ZNF423: variants seen among roughly 807,000 people sequenced by gnomAD.
ZNF423 encodes Ebf-associated zinc finger protein.
A neutral mutation model predicts 95.8 loss-of-function variants in ZNF423; 12 were observed. The ratio of observed to expected loss-of-function variants is 0.13; its 90% CI spans 0.08 to 0.20. ZNF423 has a LOEUF of 0.20. ZNF423 is among the 10% of genes least tolerant of loss of function. The pLI, the probability that ZNF423 is intolerant of heterozygous loss-of-function variation, is 1.00. For missense variants in ZNF423, 1,316 were observed against 1,737.1 expected, an observed-to-expected ratio of 0.76 and a Z score of 4.31; for synonymous variants, 749 against 711.9, an observed-to-expected ratio of 1.05 and a Z score of -0.83.
intron 7 of ZNF423, among the ~76,000 whole-genome samples, chr16:49,493,423 C>T (rs1967048118): frequency 1.3e-5 from 2 of 152,202 alleles, no homozygotes; most frequent in Admixed American, 1.3e-4. Flanking sequence ...TCTCAGGACC[C>T]AGGGCTGGGC....
chr16:49,587,410 G>A (rs930642382), intron 5 of ZNF423, among the ~76,000 whole-genome samples: 4 of 152,234 alleles, frequency 2.6e-5, no homozygotes, highest in African/African-American at 9.6e-5. Context: ...GGCTTGGCAG[G>A]TGGGAAGAGT....
intron 2 of ZNF423, among the ~76,000 whole-genome samples, chr16:49,746,000 C>T (rs2033515516): frequency 6.6e-6 from 1 of 152,140 alleles, no homozygotes; most frequent in Admixed American, 6.5e-5. Context: ...AAAATGAGGA[C>T]AGGTGCAGGG....
intron 1 of ZNF423, among the ~76,000 whole-genome samples, chr16:49,830,324 C>T (rs1284408191): frequency 6.6e-6 from 1 of 152,126 alleles, no homozygotes; most frequent in African/African-American, 2.4e-5. Flanking sequence ...GGAGAGCTCC[C>T]ATGACATGAG....
intron 7 of ZNF423, among the ~76,000 whole-genome samples, chr16:49,521,606 C>G (rs1968398685): frequency 6.6e-6 from 1 of 152,178 alleles, no homozygotes; most frequent in Non-Finnish European, 1.5e-5. Context: ...CAGTGGTGGC[C>G]TTTTGGAAGT....
At chr16:49,793,889 T>C (rs1294630125) in intron 1 of ZNF423, among the ~76,000 whole-genome samples, 1 of 152,162 alleles carries the variant, frequency 6.6e-6, no homozygotes, top group East Asian at 1.9e-4. Context: ...CCAGAGCCCT[T>C]TGCAAACTCA....
intron 5 of ZNF423, among the ~76,000 whole-genome samples, chr16:49,564,007 C>A (rs1970101512): frequency 6.6e-6 from 1 of 152,188 alleles, no homozygotes; most frequent in Non-Finnish European, 1.5e-5. Flanking sequence ...TGTGTGATAC[C>A]AGCAGGCTCT....
At chr16:49,691,707 G>T (rs2031788571) in intron 3 of ZNF423, among the ~76,000 whole-genome samples, 1 of 151,476 alleles carries the variant, frequency 6.6e-6, no homozygotes, top group African/African-American at 2.4e-5. Flanking sequence ...ACTCCAGCCT[G>T]GGCAACAGAG....
chr16:49,828,390 G>C (rs141567517), intron 1 of ZNF423, among the ~76,000 whole-genome samples: 1 of 152,334 alleles, frequency 6.6e-6, no homozygotes, highest in Non-Finnish European at 1.5e-5. Context: ...ATGGCTTTAT[G>C]CGAGCAGTTA....
chr16:49,832,630 AC>A (rs2035072952), intron 1 of ZNF423, among the ~76,000 whole-genome samples: 1 of 152,184 alleles, frequency 6.6e-6, no homozygotes, highest in Non-Finnish European at 1.5e-5. Context: ...AGAACAGAGC[AC>A]CCGAGGGGCC....
At chr16:49,632,062 G>A (rs1459044604) in intron 4 of ZNF423, among the ~76,000 whole-genome samples, 1 of 152,158 alleles carries the variant, frequency 6.6e-6, no homozygotes, top group Non-Finnish European at 1.5e-5. Context: ...AAATGGGTAT[G>A]AGAACACCTG....
Position 49,742,480 on chromosome 16 carries a change from G to A in ZNF423, c.101-11509C>T, listed in dbSNP as rs79575805. ...CAATCTTAATAAAACTGATCTCGCCGCGTGCAGTAATGAAGAACAGTCAGA... is the reference window on the plus strand; with the variant it reads ...CAATCTTAATAAAACTGATCTCGCCACGTGCAGTAATGAAGAACAGTCAGA... On this transcript the variant is annotated intron_variant, in intron 2 of 7. Transcript: ENST00000563137. Among the ~76,000 whole-genome samples the A allele has an allele frequency of 6.6e-5, 10 of 152,084 alleles. No homozygotes were observed. The East Asian group carries it at 1.5e-3, about 23-fold the overall frequency.
chr16:49,609,809 G>A (rs1253135684), intron 5 of ZNF423, among the ~76,000 whole-genome samples: 2 of 151,676 alleles, frequency 1.3e-5, no homozygotes, highest in South Asian at 2.1e-4. Flanking sequence ...AATTTGGCAA[G>A]AGATGTAGAT....
Position 49,636,769 on chromosome 16 carries a change from C to G in ZNF423, c.2407G>C (p.Glu803Gln), listed in dbSNP as rs746268201. The change falls in exon 4 of 8, where the codon GAG becomes CAG. Residue 803 changes from glutamate (E) to glutamine (Q), a missense_variant. Glu to Gln is a conservative substitution (Grantham distance 29). This residue lies in a region of ZNF423 where 620 missense variants were observed against 775.6 expected (regional missense o/e 0.80). Coordinates refer to ENST00000563137, the MANE Select transcript of ZNF423 (RefSeq NM_001379286.1). The surrounding 1 kb of genome is among the most constrained non-coding windows in gnomAD (Gnocchi z 8.6). ...TGTGTGGTGATGTGGCACTGCAGCTCCACCTCGGTGCTGAAGGTCTCCCCA... is the reference window on the plus strand; with the variant it reads ...TGTGTGGTGATGTGGCACTGCAGCTGCACCTCGGTGCTGAAGGTCTCCCCA... The part of the protein sequence containing the change: ...FCGETFSTEV[E>Q]LQCHITTHSK... 2.5e-6 allele frequency: 4 copies of G among 1,614,058 alleles called. No individual in the cohort carries two copies. The highest frequency in any genetic ancestry group is 1.7e-6 in the Non-Finnish European group (2 of 1,179,990).
chr16:49,728,676 GCCCAGTTT>G (rs1394729683), intron 3 of ZNF423, among the ~76,000 whole-genome samples: 1 of 152,068 alleles, frequency 6.6e-6, no homozygotes, highest in Non-Finnish European at 1.5e-5. Context: ...CTCACATATA[GCCCAGTTT>G]CCCAGTTTCC....
intron 7 of ZNF423, among the ~76,000 whole-genome samples, chr16:49,511,363 T>G (rs1046000301): frequency 6.6e-6 from 1 of 152,192 alleles, no homozygotes; most frequent in Non-Finnish European, 1.5e-5. Flanking sequence ...TCTAAGGGCT[T>G]TGAGAGTCAT....
intron 1 of ZNF423, among the ~76,000 whole-genome samples, chr16:49,832,371 G>A (rs1161401011): frequency 6.6e-6 from 1 of 152,170 alleles, no homozygotes; most frequent in Non-Finnish European, 1.5e-5. Flanking sequence ...TGAGGAAAAG[G>A]CCAGGAATGT....
At chr16:49,567,856 A>G (rs552985650) in intron 5 of ZNF423, among the ~76,000 whole-genome samples, 8 of 152,252 alleles carry the variant, frequency 5.3e-5, no homozygotes, top group Non-Finnish European at 1.0e-4. Context: ...ACCCAGCTCT[A>G]AGTACTCATT....
At chr16:49,793,298 AGG>A (rs2034445719) in intron 1 of ZNF423, among the ~76,000 whole-genome samples, 1 of 152,132 alleles carries the variant, frequency 6.6e-6, no homozygotes. Flanking sequence ...CACTGGCAGC[AGG>A]CACTCTCTGG....
intron 7 of ZNF423, among the ~76,000 whole-genome samples, chr16:49,494,821 G>A (rs566181566): frequency 3.3e-4 from 51 of 152,324 alleles, no homozygotes; most frequent in South Asian, 8.3e-4. Context: ...CCCGTGGTCC[G>A]TCCCCCACAG....
Sources: gnomAD v4.1 joint callset for allele counts (sites outside exome capture counted in the v4.1 genomes callset) on GRCh38, gnomAD v4.1.1 for gene constraint, gnomAD v4.1.1 regional missense constraint, Gnocchi (gnomAD v3.1) non-coding constraint, MANE v1.5 for transcripts, NCBI Gene and HGNC (gene_info 2026-07-23, HGNC 2026-07-21) for gene names.